The following DRC9 variants were observed in gnomAD, a reference collection of about 807,000 sequenced individuals.
DRC9 encodes dynein regulatory complex subunit 9, also known as dynein regulatory complex protein 9.
chr3:197,927,691 G>A, the DRC9 span, among the ~76,000 whole-genome samples: 9 of 152,152 alleles, frequency 5.9e-5, no homozygotes, highest in African/African-American at 2.2e-4. Flanking sequence ...CCCAAGGAAA[G>A]GTTTATTGAA....
At chr3:197,913,019 C>T in the DRC9 span, 3 of 408,456 alleles carry the variant, frequency 7.3e-6, no homozygotes, top group Admixed American at 8.1e-5. Flanking sequence ...GCTCCAAGGG[C>T]ACAAGGCTGT....
At chr3:197,952,162 G>GTTTGT in the DRC9 span, among the ~76,000 whole-genome samples, 3 of 83,860 alleles carry the variant, frequency 3.6e-5, no homozygotes, top group Non-Finnish European at 6.7e-5. Context: ...AAAATTATGG[G>GTTTGT]TTTTTTTTTT....
chr3:197,905,581 A>G, the DRC9 span, among the ~76,000 whole-genome samples: 2 of 151,972 alleles, frequency 1.3e-5, no homozygotes, highest in African/African-American at 4.8e-5. Context: ...CCCTGTCTCC[A>G]CTAAAAAAAA....
chr3:197,941,336 CT>C, the DRC9 span, among the ~76,000 whole-genome samples: 85 of 91,186 alleles, frequency 9.3e-4, 5 homozygotes, highest in African/African-American at 5.3e-3. Flanking sequence ...TCCTCTCTCT[CT>C]CCCCTCTGTC....
the DRC9 span, among the ~76,000 whole-genome samples, chr3:197,911,431 C>T: frequency 6.6e-6 from 1 of 152,008 alleles, no homozygotes; most frequent in South Asian, 2.1e-4. Flanking sequence ...TTAATGAGTG[C>T]ATTATTTATA....
At chr3:197,950,208 T>G in the DRC9 span, 5 of 1,231,390 alleles carry the variant, frequency 4.1e-6, no homozygotes, top group South Asian at 1.2e-4. Flanking sequence ...ACCGCCATCT[T>G]GGCTCCTGTG....
chr3:197,933,296 C>A, the DRC9 span, among the ~76,000 whole-genome samples: 8 of 151,190 alleles, frequency 5.3e-5, no homozygotes, highest in Admixed American at 1.3e-4. Context: ...CAAAAATTAG[C>A]CAGGTGTGGT....
chr3:197,889,842 T>C, the DRC9 span: 6 of 1,091,896 alleles, frequency 5.5e-6, no homozygotes, highest in South Asian at 5.6e-5. Flanking sequence ...GACATGGAAG[T>C]AGCCAGGCAC....
At chr3:197,912,804 G>A in the DRC9 span, 1 of 1,435,140 alleles carries the variant, frequency 7.0e-7, no homozygotes. Context: ...GGAATCAGAA[G>A]TTCTCAAGAT....
At chr3:197,902,934 T>TTTG in the DRC9 span, among the ~76,000 whole-genome samples, 2 of 152,026 alleles carry the variant, frequency 1.3e-5, no homozygotes, top group African/African-American at 4.8e-5. Context: ...AATTATACTA[T>TTTG]AGAGCTATAG....
chr3:197,924,217 G>A, the DRC9 span, among the ~76,000 whole-genome samples: 1 of 151,414 alleles, frequency 6.6e-6, no homozygotes, highest in Non-Finnish European at 1.5e-5. Flanking sequence ...AAATTAGCTG[G>A]GCATGGTGGT....
the DRC9 span, chr3:197,950,043 A>T: frequency 1.0e-6 from 1 of 984,580 alleles, no homozygotes; most frequent in Non-Finnish European, 1.3e-6. Context: ...TTAGGAAAAT[A>T]ATTGTAAGAG....
chr3:197,918,258 CTTTTTTTT>C, the DRC9 span, among the ~76,000 whole-genome samples: 18 of 60,296 alleles, frequency 3.0e-4, no homozygotes, highest in Non-Finnish European at 4.7e-4. Context: ...TAATTTTTTG[CTTTTTTTT>C]TTTTTTTTTT....
At chr3:197,928,549 C>T in the DRC9 span, among the ~76,000 whole-genome samples, 1 of 152,060 alleles carries the variant, frequency 6.6e-6, no homozygotes, top group Non-Finnish European at 1.5e-5. Context: ...GGGGTGTCAC[C>T]ATGTTGGCCA....
the DRC9 span, among the ~76,000 whole-genome samples, chr3:197,928,289 C>CTCT: frequency 6.6e-6 from 1 of 150,696 alleles, no homozygotes; most frequent in Non-Finnish European, 1.5e-5. Context: ...TAACCATGTG[C>CTCT]TCTTTCTCAT....
chr3:197,892,853 A>G, the DRC9 span: 1 of 1,484,392 alleles, frequency 6.7e-7, no homozygotes, highest in Admixed American at 1.8e-5. Flanking sequence ...GATTAAGCAG[A>G]ACATTCCATA....
the DRC9 span, among the ~76,000 whole-genome samples, chr3:197,900,051 C>G: frequency 5.9e-5 from 9 of 152,312 alleles, no homozygotes; most frequent in East Asian, 1.7e-3. This position sits in a 1 kb window ranked among gnomAD's most constrained non-coding sequence, Gnocchi z 4.7. Flanking sequence ...TCGGGTGACG[C>G]CCACCCATGG....
the DRC9 span, chr3:197,932,035 A>G: frequency 1.2e-4 from 105 of 868,598 alleles, 1 homozygote; most frequent in South Asian, 1.7e-3. Flanking sequence ...AGAACTAGGA[A>G]GAAAACCCAA....
chr3:197,927,085 C>T, the DRC9 span, among the ~76,000 whole-genome samples: 1 of 152,182 alleles, frequency 6.6e-6, no homozygotes, highest in Non-Finnish European at 1.5e-5. Flanking sequence ...TTCTGCTTCT[C>T]TCCAGCAATC....
Sources: gnomAD v4.1 joint callset for allele counts (sites outside exome capture counted in the v4.1 genomes callset) on GRCh38, gnomAD v4.1.1 for gene constraint, Gnocchi (gnomAD v3.1) non-coding constraint, MANE v1.5 for transcripts, NCBI Gene and HGNC (gene_info 2026-07-23, HGNC 2026-07-21) for gene names.